Variants in DPEP2 observed in about 807,000 individuals in gnomAD.
The protein encoded by DPEP2 is dipeptidase 2.
DPEP2 carries 45 observed loss-of-function variants against 51.8 expected under a neutral mutation model. That is an observed-to-expected ratio of 0.87 (90% CI 0.68 to 1.11). The LOEUF (loss-of-function observed/expected upper bound fraction) is 1.11, where lower values mean the gene tolerates loss of function less well. Ranked by LOEUF, DPEP2 falls within the 50% of genes most tolerant of loss-of-function variation. DPEP2 has a pLI of 0.00. For synonymous variants in DPEP2, 255 were observed against 262.7 expected (o/e 0.97, Z 0.28); for missense variants, 604 against 631.9 (o/e 0.96, Z 0.47).
chr16:67,989,506 G>C (rs2031854263), intron 8 of DPEP2, 108 bp from the exon 9 acceptor site: 1 of 1,176,438 alleles, frequency 8.5e-7, no homozygotes, highest in African/African-American at 1.5e-5. Flanking sequence ...GGGCCAGGCA[G>C]GCTAATTCCT....
At chr16:67,993,558 G>A in intron 1 of DPEP2, 1 of 1,052,324 alleles carries the variant, frequency 9.5e-7, no homozygotes, top group Non-Finnish European at 1.1e-6. Context: ...GCCGACCCAG[G>A]TGGCTCCTCT....
In DPEP2 at chr16:67,993,046, C is replaced by CT; in HGVS notation, c.166_167insA (p.Gly56GlufsTer11). On this transcript the variant is annotated frameshift_variant, in exon 2 of 11. Transcript: ENST00000393847. LOFTEE classifies it high-confidence loss of function. ...GAGTGTGGTCGAGGGAGCGTAGGTG[C>CT]CCGGCATGGTGTGGGCTCTGGGGGC... The CT allele has an allele frequency of 1.9e-6, 3 of 1,582,138 alleles. No homozygotes were observed. Among genetic ancestry groups the CT allele is most frequent in the Non-Finnish European group, 2.6e-6 (3 of 1,163,496 alleles).
Position 67,988,182 on chromosome 16 carries a change from T to A in DPEP2, c.1071-195A>T, listed in dbSNP as rs1598254587. 3 of 625,858 alleles carry A rather than the reference T, an allele frequency of 4.8e-6. No homozygotes were observed. The East Asian group carries it at 8.4e-5, about 18-fold the overall frequency. 38.8% of individuals were successfully genotyped at this position (625,858 alleles called of 1,614,324 possible). A position where few individuals can be genotyped will look rare whatever the true frequency, so the allele number is the denominator to read the frequency against. ...CTCCTTGAATATTTATCAAAACTTATTGAATCATACTATTAAGATCTATGC... is the reference window on the plus strand; with the variant it reads ...CTCCTTGAATATTTATCAAAACTTAATGAATCATACTATTAAGATCTATGC... On this transcript the variant is annotated intron_variant, in intron 9 of 10. Coordinates refer to ENST00000393847, the MANE Select transcript of DPEP2 (RefSeq NM_022355.4).
At chr16:67,990,735 AT>A in intron 7 of DPEP2, 85 bp downstream of exon 7, 1 of 1,465,688 alleles carries the variant, frequency 6.8e-7, no homozygotes, top group South Asian at 1.3e-5. Flanking sequence ...AAGTGCTGGG[AT>A]TACAGGTGTG....
Position 67,987,956 on chromosome 16 carries a change from A to T in DPEP2, c.1102T>A (p.Tyr368Asn). 1 of 1,614,150 alleles carries T rather than the reference A, an allele frequency of 6.2e-7. No individual in the cohort carries two copies. Among genetic ancestry groups the T allele is most frequent in the South Asian group, 1.1e-5 (1 of 91,088 alleles). The change falls in exon 10 of 11, where the codon TAC (tyrosine) becomes AAC (asparagine). Residue 368 changes from tyrosine to asparagine, a missense_variant. Coordinates refer to ENST00000393847, the MANE Select transcript of DPEP2 (RefSeq NM_022355.4). ...AGCAACTCCTCTATCAGGACCGGGT[A>T]TGTGGACACGTCTTCCAGCCCCTGA... ...FPQGLEDVST[Y>N]PVLIEELLSR...
At chr16:67,993,490 C>T in intron 1 of DPEP2, 1 of 1,214,078 alleles carries the variant, frequency 8.2e-7, no homozygotes, top group African/African-American at 1.6e-5. Context: ...GGCGCCCACT[C>T]GCGGCCTGTC....
rs1418244868 is a variant in DPEP2 at position 67,992,989 on chromosome 16, T to C, written c.224A>G (p.Gln75Arg). 6.2e-7 allele frequency: 1 copy of C among 1,610,316 alleles called. No homozygotes were observed. The highest frequency in any genetic ancestry group is 1.7e-5 in the Admixed American group (1 of 59,732). ...GAAGTCCCGCATCAGGGCCCGTGCC[T>C]GCTCTTGCAGGCCCTGGGTGCTGGG... ...SSPSTQGLQE[Q>R]ARALMRDFPL... The change falls in exon 2 of 11, where the codon CAG (glutamine) becomes CGG (arginine). Residue 75 changes from glutamine to arginine, a missense_variant. Transcript: ENST00000393847.
At position 67,993,184 on chromosome 16, in the gene DPEP2, C is replaced by T. The variant is rs1340956528; in HGVS notation, c.29G>A (p.Gly10Asp). The T allele has an allele frequency of 1.3e-6, 2 of 1,484,238 alleles. No individual in the cohort carries two copies. The highest frequency in any genetic ancestry group is 2.4e-5 in the Admixed American group (1 of 41,244). The allele number at this position is 1,484,238 out of a possible 1,614,324, so 91.9% of individuals were successfully genotyped here. A position where few individuals can be genotyped will look rare whatever the true frequency, so the allele number is the denominator to read the frequency against. Residue 10 changes from glycine to aspartate, a missense_variant, in exon 2 of 11, where the codon GGC becomes GAC. By Grantham distance (94) the Gly-to-Asp change is moderately conservative (BLOSUM62 -1). Transcript: ENST00000393847. ...CAGCAGAGGCCACCGACCAAACGTG[C>T]CGGGACCCTCGAGGCCGGAGGGCTG... The part of the protein sequence containing the change: MQPSGLEGP[G>D]TFGRWPLLSL...
intron 1 of DPEP2, 99 bp from the exon 2 acceptor site, chr16:67,993,356 A>G (rs2032433322): frequency 1.5e-6 from 2 of 1,293,822 alleles, no homozygotes; most frequent in South Asian, 4.8e-5. Context: ...TAACGAAGTC[A>G]CAGGGCCCCG....
At position 67,987,759 on chromosome 16, in the gene DPEP2, A is replaced by G. The variant is rs546959816; in HGVS notation, c.1208T>C (p.Val403Ala). 5.8e-5 allele frequency: 94 copies of G among 1,613,050 alleles called. No homozygotes were observed. In the South Asian group the frequency reaches 9.9e-4, roughly 17 times the overall value. ...GCTTTGCCATTTGTTTTCTTCCTGTACCTAGAGGTGGCAGTCGGTGCTCAG... is the reference window on the plus strand; with the variant it reads ...GCTTTGCCATTTGTTTTCTTCCTGTGCCTAGAGGTGGCAGTCGGTGCTCAG... ...LLRVFRQVEKVQEENKWQSPL... is the reference protein window; with the variant it reads ...LLRVFRQVEKAQEENKWQSPL... The change falls in exon 11 of 11, where the codon GTA becomes GCA. Residue 403 changes from valine to alanine, a missense_variant and splice_region_variant. By Grantham distance (64) the Val-to-Ala change is moderately conservative. Transcript: ENST00000393847.
At chr16:67,994,923 CAG>C (rs755430960) in intron 1 of DPEP2, 58 of 984,558 alleles carry the variant, frequency 5.9e-5, no homozygotes, top group Admixed American at 2.5e-4. Flanking sequence ...TGTTTTGAGA[CAG>C]AGTCTCACTT....
chr16:67,996,727 C>T (rs1020325550), intron 1 of DPEP2, among the ~76,000 whole-genome samples: 1 of 152,002 alleles, frequency 6.6e-6, no homozygotes, highest in Non-Finnish European at 1.5e-5. Flanking sequence ...GCCCGAATGT[C>T]TGACCTCCTG....
In DPEP2 at chr16:67,992,099, G is replaced by T; in HGVS notation, c.485C>A (p.Ser162Tyr). Reference sequence around the variant, plus strand: ...GGTCACAAGCTCCAGCTCAGAATAGGAGGCACACATGCGGCGTATGAGGTC... The same window carrying T: ...GGTCACAAGCTCCAGCTCAGAATAGTAGGCACACATGCGGCGTATGAGGTC... ...QIDLIRRMCA[S>Y]YSELELVTSA... Residue 162 changes from serine (S) to tyrosine (Y), a missense_variant, in exon 4 of 11, where the codon TCC becomes TAC. By Grantham distance (144) the Ser-to-Tyr change is moderately radical (BLOSUM62 -2). Transcript: ENST00000393847. 2 of 1,614,160 alleles carry T rather than the reference G, an allele frequency of 1.2e-6. No individual in the cohort carries two copies. Among genetic ancestry groups the T allele is most frequent in the South Asian group, 2.2e-5 (2 of 91,080 alleles).
In DPEP2 at chr16:67,988,126, C is replaced by G. The variant is rs570719488; in HGVS notation, c.1071-139G>C. The G allele has an allele frequency of 5.7e-5, 60 of 1,044,758 alleles. No individual in the cohort carries two copies. In the African/African-American group the frequency reaches 9.1e-4, roughly 16 times the overall value. 64.7% of individuals were successfully genotyped at this position (1,044,758 alleles called of 1,614,324 possible). A position where few individuals can be genotyped will look rare whatever the true frequency, so the allele number is the denominator to read the frequency against. On this transcript the variant is annotated intron_variant, in intron 9 of 10. Transcript: ENST00000393847. ...GGAGAGAGTAGGTAATTCTCCTCTG[C>G]TCTTTATCCTTCAGAAGGAGGCCTC...
intron 1 of DPEP2, chr16:67,993,662 G>A (rs1004238206): frequency 5.1e-6 from 5 of 988,734 alleles, no homozygotes; most frequent in East Asian, 1.1e-4. Context: ...TGCAGACCAC[G>A]TCATGTCCCC....
intron 8 of DPEP2, 75 bp downstream of exon 8, chr16:67,989,971 TG>T: frequency 6.7e-7 from 1 of 1,495,378 alleles, no homozygotes; most frequent in Non-Finnish European, 9.2e-7. Context: ...GTGAAACCAC[TG>T]GGACAGTCCT....
Position 67,995,372 on chromosome 16 carries a change from C to G in DPEP2, c.-45-2115G>C, listed in dbSNP as rs954591757. On this transcript the variant is annotated intron_variant, in intron 1 of 10. Coordinates refer to ENST00000393847, the MANE Select transcript of DPEP2 (RefSeq NM_022355.4). ...CTGCTGGAGGGTTCTATAGGGAGGC[C>G]CACTGCAGATGGTGAGTCCTCTTGG... Among the ~76,000 whole-genome samples the G allele has an allele frequency of 2.0e-5, 3 of 152,008 alleles. No individual in the cohort carries two copies. In the South Asian group the frequency reaches 6.2e-4, roughly 32 times the overall value.
intron 1 of DPEP2, 143 bp from the exon 2 acceptor site, chr16:67,993,400 G>A (rs2032439760): frequency 7.8e-7 from 1 of 1,276,966 alleles, no homozygotes; most frequent in Non-Finnish European, 9.9e-7. Context: ...GCACCGCCCA[G>A]TACGGCCACC....
At position 67,999,435 on chromosome 16, in the gene DPEP2, C is replaced by T; in HGVS notation, c.-106G>A. The T allele has an allele frequency of 1.0e-6, 1 of 986,850 alleles. No individual in the cohort carries two copies. Among genetic ancestry groups the T allele is most frequent in the Non-Finnish European group, 1.2e-6 (1 of 830,516 alleles). The allele number at this position is 986,850 out of a possible 1,614,324, so 61.1% of individuals were successfully genotyped here. ...GCTTCATTCTAGAACTCAGTGAGACCAAGAACCCACCAATTCCGGACACAC... is the reference window on the plus strand; with the variant it reads ...GCTTCATTCTAGAACTCAGTGAGACTAAGAACCCACCAATTCCGGACACAC... On this transcript the variant is annotated 5_prime_UTR_variant, in exon 1 of 11. Coordinates refer to ENST00000393847, the MANE Select transcript of DPEP2 (RefSeq NM_022355.4).
Sources: gnomAD v4.1 joint callset for allele counts (sites outside exome capture counted in the v4.1 genomes callset) on GRCh38, gnomAD v4.1.1 for gene constraint, MANE v1.5 for transcripts, NCBI Gene and HGNC (gene_info 2026-07-23, HGNC 2026-07-21) for gene names.